CHERP: variants seen among roughly 807,000 people sequenced by gnomAD.
CHERP encodes ERPROT 213-21.
In CHERP, 8 loss-of-function variants were observed where a neutral mutation model predicts 113.8. The ratio of observed to expected loss-of-function variants is 0.07; its 90% CI spans 0.04 to 0.13. The LOEUF is 0.13. Among genes scored for constraint, CHERP ranks in the 10% least tolerant of loss-of-function variants. The pLI is 1.00. For synonymous variants in CHERP, 559 were observed against 524.5 expected (o/e 1.07, Z -0.90); for missense variants, 884 against 1,298.2 (o/e 0.68, Z 4.90).
chr19:16,526,632 TA>T (rs2085659371), intron 9 of CHERP, among the ~76,000 whole-genome samples: 1 of 152,118 alleles, frequency 6.6e-6, no homozygotes, highest in African/African-American at 2.4e-5. Flanking sequence ...CATGCCCGGC[TA>T]TTTTTTTATC....
chr19:16,518,894 G>A lies in CHERP; in HGVS notation c.*265C>T, dbSNP rs1481970469. 2.0e-6 allele frequency: 1 copy of A among 503,574 alleles called. No individual in the cohort carries two copies. Among genetic ancestry groups the A allele is most frequent in the Non-Finnish European group, 3.5e-6 (1 of 286,336 alleles). 31.2% of individuals were successfully genotyped at this position (503,574 alleles called of 1,614,324 possible). ...TCGGGCGGAGGGTCTTGTGTTTTTT[G>A]CTTCGCTATAAAGGAAAACGAGCCT... is the stretch of plus-strand genomic sequence containing the variant. On this transcript the variant is annotated 3_prime_UTR_variant, in exon 17 of 17. Transcript: ENST00000546361.
In CHERP at chr19:16,525,538, T is replaced by C. The variant is rs1404206267; in HGVS notation, c.1445A>G (p.Asn482Ser). ...GCTGTTCCAGGCGGCGTCGGGCTGG[T>C]TGTTCCAGGGCGCGTCGCGCTGGCC... ...WNGQRDAPWN[N>S]QPDAAWNSQF... Residue 482 changes from asparagine to serine, a missense_variant, in exon 10 of 17, where the codon AAC becomes AGC. Coordinates refer to ENST00000546361, the MANE Select transcript of CHERP (RefSeq NM_006387.6). This position sits in a 1 kb window ranked among gnomAD's most constrained non-coding sequence, Gnocchi z 6.5. 1.3e-6 allele frequency: 2 copies of C among 1,546,286 alleles called. No individual in the cohort carries two copies. Among genetic ancestry groups the C allele is most frequent in the South Asian group, 1.2e-5 (1 of 84,336 alleles).
intron 2 of CHERP, among the ~76,000 whole-genome samples, chr19:16,536,121 G>A (rs113644087): frequency 1.6e-4 from 24 of 152,268 alleles, no homozygotes; most frequent in Non-Finnish European, 3.4e-4. Flanking sequence ...AGAAAGGCAC[G>A]AAGCCGCACC....
intron 2 of CHERP, among the ~76,000 whole-genome samples, chr19:16,537,221 C>A (rs531811764): frequency 5.9e-5 from 8 of 134,738 alleles, no homozygotes; most frequent in African/African-American, 1.8e-4. Context: ...CTCAACTCAG[C>A]CCCCCGGGCC....
At position 16,525,252 on chromosome 19, in the gene CHERP, G is replaced by C; in HGVS notation, c.1731C>G (p.Asp577Glu). 7.0e-7 allele frequency: 1 copy of C among 1,429,040 alleles called. No homozygotes were observed. The highest frequency in any genetic ancestry group is 9.2e-7 in the Non-Finnish European group (1 of 1,089,472). The allele number at this position is 1,429,040 out of a possible 1,614,324, so 88.5% of individuals were successfully genotyped here. ...YPHRFDYPQGDFPAEMGPPHH... is the reference protein window; with the variant it reads ...YPHRFDYPQGEFPAEMGPPHH... ...CGCCCGTACACTCACCGGCAGGGAA[G>C]TCCCCCTGGGGGTAGTCGAAGCGGT... The change falls in exon 10 of 17, where the codon GAC becomes GAG. Residue 577 changes from aspartate to glutamate, a missense_variant. By Grantham distance (45) the Asp-to-Glu change is conservative. This residue lies in a region of CHERP where 464 missense variants were observed against 590.1 expected (regional missense o/e 0.79). Coordinates refer to ENST00000546361, the MANE Select transcript of CHERP (RefSeq NM_006387.6). The surrounding 1 kb of genome is among the most constrained non-coding windows in gnomAD (Gnocchi z 6.5).
At chr19:16,533,926 G>A (rs917467367) in intron 3 of CHERP, among the ~76,000 whole-genome samples, 6 of 152,312 alleles carry the variant, frequency 3.9e-5, no homozygotes, top group African/African-American at 7.2e-5. Flanking sequence ...AGGAAACACC[G>A]GTTAAAGTGC....
Position 16,520,110 on chromosome 19 carries a change from CCCAGAGTTA to C in CHERP, c.2462+30_2462+38del, listed in dbSNP as rs1268711759. ...CATTCACAGCAAAGCACCGCAGCTT[CCCAGAGTTA>C]CCAGCGCAGCACTTAAGACAGGATC... On this transcript the variant is annotated intron_variant, in intron 15 of 16. Coordinates refer to ENST00000546361, the MANE Select transcript of CHERP (RefSeq NM_006387.6). The surrounding 1 kb of genome is among the most constrained non-coding windows in gnomAD (Gnocchi z 4.0). 2 of 1,593,046 alleles carry C rather than the reference CCCAGAGTTA, an allele frequency of 1.3e-6. No individual in the cohort carries two copies. The highest frequency in any genetic ancestry group is 1.7e-5 in the Admixed American group (1 of 59,278).
Position 16,532,472 on chromosome 19 carries a change from C to T in CHERP, c.674+126G>A, listed in dbSNP as rs572658011. 1.3e-5 allele frequency: 16 copies of T among 1,239,282 alleles called. No individual in the cohort carries two copies. The highest frequency in any genetic ancestry group is 1.2e-4 in the African/African-American group (8 of 65,880). 76.8% of individuals were successfully genotyped at this position (1,239,282 alleles called of 1,614,324 possible). A position where few individuals can be genotyped will look rare whatever the true frequency, so the allele number is the denominator to read the frequency against. On this transcript the variant is annotated intron_variant, in intron 5 of 16. Transcript: ENST00000546361. This position sits in a 1 kb window ranked among gnomAD's most constrained non-coding sequence, Gnocchi z 4.4. ...ACAGAGACCCCCCACCCGGGGTCCC[C>T]GGACAAGTGCCCCCTAGTCTCGGGA...
At chr19:16,534,668 G>T (rs1216331155) in intron 3 of CHERP, among the ~76,000 whole-genome samples, 1 of 152,010 alleles carries the variant, frequency 6.6e-6, no homozygotes, top group Admixed American at 6.6e-5. Context: ...TAGAGACAGG[G>T]TTTCATCATG....
rs368721005 is a variant in CHERP at position 16,519,408 on chromosome 19, C to A, written c.2558-56G>T. On this transcript the variant is annotated intron_variant, in intron 16 of 16. Transcript: ENST00000546361. This position sits in a 1 kb window ranked among gnomAD's most constrained non-coding sequence, Gnocchi z 6.0. Reference sequence around the variant, plus strand: ...CAAGGCGGAGGCAGATGGGGGTGCACGTGGGGGGCTGAATGTCCAGACAGG... The same window carrying A: ...CAAGGCGGAGGCAGATGGGGGTGCAAGTGGGGGGCTGAATGTCCAGACAGG... 2 of 1,543,826 alleles carry A rather than the reference C, an allele frequency of 1.3e-6. No individual in the cohort carries two copies. The highest frequency in any genetic ancestry group is 1.2e-5 in the South Asian group (1 of 86,226).
intron 8 of CHERP, 68 bp from the exon 9 acceptor site, chr19:16,528,323 C>G: frequency 6.9e-7 from 1 of 1,447,760 alleles, no homozygotes. Context: ...CTCCACACTA[C>G]CCCAGAGCAA....
chr19:16,539,266 G>A (rs1473222959), intron 2 of CHERP, among the ~76,000 whole-genome samples: 1 of 150,500 alleles, frequency 6.6e-6, no homozygotes, highest in African/African-American at 2.5e-5. Flanking sequence ...TCCTGCCTCA[G>A]CCTCCCAAGT....
At position 16,535,106 on chromosome 19, in the gene CHERP, C is replaced by T. The variant is rs949209415; in HGVS notation, c.384+346G>A. On this transcript the variant is annotated intron_variant, in intron 3 of 16. Transcript: ENST00000546361. The surrounding 1 kb of genome is among the most constrained non-coding windows in gnomAD (Gnocchi z 4.3). ...AGGGTCCTTCCCCAACCAACAGCTC[C>T]AGGTGACCTAGCTACTGTGTGGTGG... Among the ~76,000 whole-genome samples, 1 of 152,184 alleles carries T rather than the reference C, an allele frequency of 6.6e-6. No individual in the cohort carries two copies. Among genetic ancestry groups the T allele is most frequent in the African/African-American group, 2.4e-5 (1 of 41,454 alleles).
chr19:16,541,714 G>A (rs2085781168), intron 2 of CHERP, 156 bp downstream of exon 2: 6 of 798,266 alleles, frequency 7.5e-6, no homozygotes, highest in Non-Finnish European at 1.2e-5. Context: ...GCTCTGTGCA[G>A]GGCCGTGGGA....
chr19:16,533,810 GAA>G (rs926042757), intron 3 of CHERP, among the ~76,000 whole-genome samples: 1 of 149,714 alleles, frequency 6.7e-6, no homozygotes, highest in Non-Finnish European at 1.5e-5. Context: ...GAAAAGAAAA[GAA>G]AAAAAAAGAC....
intron 5 of CHERP, among the ~76,000 whole-genome samples, chr19:16,531,223 G>A (rs897789109): frequency 6.6e-6 from 1 of 152,230 alleles, no homozygotes; most frequent in African/African-American, 2.4e-5. Flanking sequence ...GCCCCTGCCT[G>A]TGTATGATGG....
At position 16,520,976 on chromosome 19, in the gene CHERP, G is replaced by A; in HGVS notation, c.2115-64C>T. On this transcript the variant is annotated intron_variant, in intron 12 of 16. Transcript: ENST00000546361. The surrounding 1 kb of genome is among the most constrained non-coding windows in gnomAD (Gnocchi z 4.0). Reference sequence around the variant, plus strand: ...CCACCCACAAGGAAGTCGTGAAAAAGTCATCAGGAGTTAATCCACAGAACC... The same window carrying A: ...CCACCCACAAGGAAGTCGTGAAAAAATCATCAGGAGTTAATCCACAGAACC... 7 of 1,364,394 alleles carry A rather than the reference G, an allele frequency of 5.1e-6. No individual in the cohort carries two copies. Among genetic ancestry groups the A allele is most frequent in the Non-Finnish European group, 7.3e-6 (7 of 957,004 alleles). The allele number at this position is 1,364,394 out of a possible 1,614,324, so 84.5% of individuals were successfully genotyped here.
chr19:16,520,750 T>C lies in CHERP; in HGVS notation c.2201+76A>G. The stretch of plus-strand genomic sequence containing the variant: ...TGTGTGAGGGTGGACGTGATGAGTG[T>C]ATCTGGGGTCTGCTCCCACCCATCA... On this transcript the variant is annotated intron_variant, in intron 13 of 16. Coordinates refer to ENST00000546361, the MANE Select transcript of CHERP (RefSeq NM_006387.6). The surrounding 1 kb of genome is among the most constrained non-coding windows in gnomAD (Gnocchi z 4.0). The C allele has an allele frequency of 7.2e-7, 1 of 1,394,710 alleles. No homozygotes were observed. Among genetic ancestry groups the C allele is most frequent in the Non-Finnish European group, 1.0e-6 (1 of 986,088 alleles). The allele number at this position is 1,394,710 out of a possible 1,614,324, so 86.4% of individuals were successfully genotyped here.
Position 16,519,787 on chromosome 19 carries a change from T to C in CHERP, c.2463-72A>G. 1 of 1,305,478 alleles carries C rather than the reference T, an allele frequency of 7.7e-7. No homozygotes were observed. Among genetic ancestry groups the C allele is most frequent in the Non-Finnish European group, 1.1e-6 (1 of 899,732 alleles). The allele number at this position is 1,305,478 out of a possible 1,614,324, so 80.9% of individuals were successfully genotyped here. On this transcript the variant is annotated intron_variant, in intron 15 of 16. Transcript: ENST00000546361. The surrounding 1 kb of genome is among the most constrained non-coding windows in gnomAD (Gnocchi z 6.0). ...TATTGGAATGACAGTGATGAGGACC[T>C]CACAGCCGCAGCTTGCGTGCATGCT...
Sources: allele counts gnomAD v4.1 joint callset (sites outside exome capture counted in the v4.1 genomes callset), GRCh38; gene constraint gnomAD v4.1.1; regional missense constraint gnomAD v4.1.1; non-coding constraint Gnocchi (gnomAD v3.1); transcripts MANE v1.5; gene names NCBI Gene and HGNC (gene_info 2026-07-23, HGNC 2026-07-21).